Variants in TRPM3 observed in about 807,000 individuals in gnomAD.
TRPM3 encodes transient receptor potential cation channel subfamily M member 3, also known as long transient receptor potential channel 3.
In TRPM3, 77 loss-of-function variants were observed where a neutral mutation model predicts 181.2. The observed-to-expected ratio is 0.42, with a 90% confidence interval of 0.35 to 0.51. The LOEUF (loss-of-function observed/expected upper bound fraction) is 0.51, where lower values mean the gene tolerates loss of function less well. Among genes scored for constraint, TRPM3 ranks in the 20% least tolerant of loss-of-function variants. TRPM3 has a pLI of 0.01. For missense variants in TRPM3, 1,759 were observed against 2,196.7 expected (o/e 0.80, Z 3.98); for synonymous variants, 745 against 796.4 (o/e 0.94, Z 1.09).
intron 22 of TRPM3, among the ~76,000 whole-genome samples, chr9:70,579,770 A>G (rs2055127869): frequency 6.6e-6 from 1 of 152,222 alleles, no homozygotes; most frequent in Non-Finnish European, 1.5e-5. Flanking sequence ...TTGGAGGCAA[A>G]CTGGGCATCT....
intron 1 of TRPM3, among the ~76,000 whole-genome samples, chr9:70,909,253 T>C (rs1478471217): frequency 1.3e-5 from 2 of 152,142 alleles, no homozygotes; most frequent in African/African-American, 4.8e-5. Context: ...AGAAAAAGGA[T>C]TTGTAAGCTG....
At chr9:70,957,966 T>G (rs2097096148) in intron 1 of TRPM3, among the ~76,000 whole-genome samples, 1 of 152,146 alleles carries the variant, frequency 6.6e-6, no homozygotes, top group Non-Finnish European at 1.5e-5. Context: ...ACGCTCTGAG[T>G]ACAGAAAGAA....
intron 1 of TRPM3, among the ~76,000 whole-genome samples, chr9:71,342,448 A>G (rs1315770558): frequency 6.6e-6 from 1 of 151,644 alleles, no homozygotes. Flanking sequence ...TTATGATACA[A>G]TTACACAATT....
rs1347598514 is a variant in TRPM3 at position 70,530,742 on chromosome 9, T to C, written c.*5211A>G. ...TGCTTTTCCTTAATTGGAACCAGCC[T>C]TTCTTTTGGTTGACTCCAATCTGAG... On this transcript the variant is annotated 3_prime_UTR_variant, in exon 26 of 26. Coordinates refer to ENST00000677713, the MANE Select transcript of TRPM3 (RefSeq NM_001366145.2). 6.6e-6 allele frequency: 1 copy of C among 152,222 alleles called. No homozygotes were observed. Among genetic ancestry groups the C allele is most frequent in the Admixed American group, 6.5e-5 (1 of 15,278 alleles). The allele number at this position is 152,222 out of a possible 1,614,324, so 9.4% of individuals were successfully genotyped here.
intron 7 of TRPM3, among the ~76,000 whole-genome samples, chr9:70,764,092 C>T (rs1040262522): frequency 2.0e-5 from 3 of 152,032 alleles, no homozygotes; most frequent in Non-Finnish European, 4.4e-5. Flanking sequence ...ATGGGGACTT[C>T]GAAGGTGACG....
intron 6 of TRPM3, among the ~76,000 whole-genome samples, chr9:70,787,547 A>T (rs895123387): frequency 5.7e-5 from 6 of 105,528 alleles, no homozygotes; most frequent in Admixed American, 2.6e-4. Flanking sequence ...GTCAGGTCAC[A>T]CACACACTTA....
At chr9:70,835,817 G>A (rs1288148180) in intron 5 of TRPM3, among the ~76,000 whole-genome samples, 1 of 152,140 alleles carries the variant, frequency 6.6e-6, no homozygotes, top group Admixed American at 6.5e-5. Context: ...TAGAGAAGCA[G>A]TATTGGTCTC....
At chr9:70,699,047 C>T (rs1160741) in intron 8 of TRPM3, among the ~76,000 whole-genome samples, 77,304 of 151,998 alleles carry the variant, frequency 0.51, 20,525 homozygotes, top group Non-Finnish European at 0.58. Context: ...CAAAATGATA[C>T]AATTTGTTTT....
chr9:70,537,692 C>T (rs1293686716), intron 25 of TRPM3, among the ~76,000 whole-genome samples: 1 of 152,100 alleles, frequency 6.6e-6, no homozygotes, highest in Non-Finnish European at 1.5e-5. Flanking sequence ...ATGGAATGCA[C>T]AGTCCTGATA....
At chr9:71,416,259 T>A (rs2093636068) in intron 1 of TRPM3, among the ~76,000 whole-genome samples, 1 of 151,858 alleles carries the variant, frequency 6.6e-6, no homozygotes, top group Non-Finnish European at 1.5e-5. Flanking sequence ...GTTAGTATGT[T>A]TTTCCTTACA....
chr9:70,771,657 T>C (rs1028457227), intron 7 of TRPM3, among the ~76,000 whole-genome samples: 1 of 152,144 alleles, frequency 6.6e-6, no homozygotes, highest in African/African-American at 2.4e-5. Context: ...ATTTTACACA[T>C]GGCATTTCAT....
chr9:70,693,574 C>T (rs2069226473), intron 8 of TRPM3, among the ~76,000 whole-genome samples: 1 of 152,132 alleles, frequency 6.6e-6, no homozygotes, highest in Admixed American at 6.5e-5. Context: ...AATACTTCTG[C>T]AGCCTGAGCC....
intron 3 of TRPM3, among the ~76,000 whole-genome samples, chr9:70,859,898 A>G (rs1390165617): frequency 2.0e-5 from 3 of 152,118 alleles, no homozygotes; most frequent in Admixed American, 6.5e-5. Context: ...TGATGTGGTG[A>G]TCCACAGACC....
chr9:70,775,463 G>C (rs2094687620), intron 7 of TRPM3: 1 of 152,288 alleles, frequency 6.6e-6, no homozygotes, highest in South Asian at 2.1e-4. Flanking sequence ...GTGAGAGCTG[G>C]CTCTAGAGAA....
At chr9:71,134,839 T>A (rs1309842275) in intron 1 of TRPM3, among the ~76,000 whole-genome samples, 2 of 152,186 alleles carry the variant, frequency 1.3e-5, no homozygotes, top group Non-Finnish European at 2.9e-5. Flanking sequence ...TGAATTAAGC[T>A]CTGTGGACTT....
At chr9:71,296,638 T>C (rs1293467325) in intron 1 of TRPM3, among the ~76,000 whole-genome samples, 2 of 152,228 alleles carry the variant, frequency 1.3e-5, no homozygotes, top group East Asian at 1.9e-4. Flanking sequence ...TTTATTCTAA[T>C]GCACTTGAGC....
chr9:71,446,788 G>C (rs776398925), exon 1 of TRPM3: 3 of 1,550,172 alleles, frequency 1.9e-6, no homozygotes, highest in East Asian at 2.4e-5. Context: ...CCTCGCGGTC[G>C]GAGCAGCCCC....
intron 1 of TRPM3, among the ~76,000 whole-genome samples, chr9:71,165,600 C>T (rs755848839): frequency 3.9e-5 from 6 of 152,092 alleles, no homozygotes; most frequent in Non-Finnish European, 8.8e-5. Context: ...TTTCCACGCA[C>T]CAGTCTTTCT....
chr9:71,260,495 T>G (rs2082968855), intron 1 of TRPM3, among the ~76,000 whole-genome samples: 1 of 152,226 alleles, frequency 6.6e-6, no homozygotes, highest in Non-Finnish European at 1.5e-5. Flanking sequence ...TTTATGATAT[T>G]GATTCTTCCT....
Sources: gnomAD v4.1 joint callset for allele counts (sites outside exome capture counted in the v4.1 genomes callset) on GRCh38, gnomAD v4.1.1 for gene constraint, MANE v1.5 for transcripts, NCBI Gene and HGNC (gene_info 2026-07-23, HGNC 2026-07-21) for gene names.